Variants in SENP7 observed in about 807,000 individuals in gnomAD.
SENP7 encodes SUMO specific peptidase 7.
Under a neutral mutation model 141.2 loss-of-function variants are expected in SENP7, and 64 were observed. That is an observed-to-expected ratio of 0.45 (90% CI 0.37 to 0.56). The LOEUF is 0.56. SENP7 is among the 20% of genes least tolerant of loss of function. The pLI is 0.00. For missense variants in SENP7, 1,025 were observed against 1,212.2 expected (o/e 0.85, Z 2.29); for synonymous variants, 382 against 426.4 (o/e 0.90, Z 1.28).
intron 4 of SENP7, chr3:101,457,806 T>G: frequency 1.7e-6 from 1 of 600,848 alleles, no homozygotes; most frequent in East Asian, 2.7e-5. Flanking sequence ...CAGCTGAGAT[T>G]AGGCGCACAC....
chr3:101,410,885 T>TAAAATAAAATAAAATAAAAG (rs1559785247), intron 5 of SENP7, among the ~76,000 whole-genome samples: 22 of 151,500 alleles, frequency 1.5e-4, no homozygotes, highest in South Asian at 4.2e-4. Context: ...TAAAATAAAA[T>TAAAATAAAATAAAATAAAAG]AAAAGAATTA....
intron 4 of SENP7, among the ~76,000 whole-genome samples, chr3:101,456,150 A>G (rs984980713): frequency 7.6e-6 from 1 of 130,806 alleles, no homozygotes; most frequent in Non-Finnish European, 1.7e-5. Context: ...ATAATTAGTT[A>G]TATATATAAA....
chr3:101,363,272 G>T (rs2059948350), intron 10 of SENP7: 1 of 204,346 alleles, frequency 4.9e-6, no homozygotes, highest in Non-Finnish European at 8.6e-6. Flanking sequence ...AATAACTGTG[G>T]GCTTTTTTAG....
At chr3:101,432,526 C>T (rs972759216) in intron 4 of SENP7, among the ~76,000 whole-genome samples, 48 of 152,208 alleles carry the variant, frequency 3.2e-4, no homozygotes, top group African/African-American at 1.1e-3. Context: ...CCAGCACAGT[C>T]ACAATGCTGG....
chr3:101,433,782 A>C (rs2062276012), intron 4 of SENP7, among the ~76,000 whole-genome samples: 1 of 152,170 alleles, frequency 6.6e-6, no homozygotes. Context: ...AAATAATATT[A>C]GAGCTAAAGT....
At chr3:101,440,555 C>G (rs1017522026) in intron 4 of SENP7, among the ~76,000 whole-genome samples, 2 of 123,754 alleles carry the variant, frequency 1.6e-5, no homozygotes, top group African/African-American at 7.0e-5. Flanking sequence ...GAGAAACACC[C>G]AAGAATTATC....
chr3:101,332,250 G>C, intron 18 of SENP7, 141 bp from the exon 19 acceptor site: 1 of 785,990 alleles, frequency 1.3e-6, no homozygotes, highest in Middle Eastern at 3.0e-4. Flanking sequence ...TTATAATATA[G>C]AGCATACATA....
intron 19 of SENP7, among the ~76,000 whole-genome samples, chr3:101,331,060 A>G (rs1439299393): frequency 6.6e-6 from 1 of 152,202 alleles, no homozygotes; most frequent in Non-Finnish European, 1.5e-5. Context: ...GGGGATTTCA[A>G]GCATTGTCTG....
intron 2 of SENP7, among the ~76,000 whole-genome samples, chr3:101,500,766 T>C (rs1276563854): frequency 2.6e-5 from 4 of 152,214 alleles, no homozygotes; most frequent in Admixed American, 2.0e-4. Flanking sequence ...GAATGCACAT[T>C]GGTACTCTAA....
intron 3 of SENP7, among the ~76,000 whole-genome samples, chr3:101,462,476 G>A (rs2063578845): frequency 6.6e-6 from 1 of 151,846 alleles, no homozygotes; most frequent in Non-Finnish European, 1.5e-5. Flanking sequence ...AGGAGGTGGA[G>A]GCTGGGGTGA....
At position 101,341,647 on chromosome 3, in the gene SENP7, T is replaced by C; in HGVS notation, c.2239A>G (p.Lys747Glu). 1 of 1,598,320 alleles carries C rather than the reference T, an allele frequency of 6.3e-7. No individual in the cohort carries two copies. Among genetic ancestry groups the C allele is most frequent in the Non-Finnish European group, 8.6e-7 (1 of 1,168,628 alleles). The stretch of plus-strand genomic sequence containing the variant: ...CAAACATGCTATGACAGTACATACT[T>C]CTGAACAAGTCCAGTGTGCCTGACT... ...REVRHTGLVQKLIVYPPPPTK... is the reference protein window; with the variant it reads ...REVRHTGLVQELIVYPPPPTK... The change falls in exon 15 of 24, where the codon AAG (lysine) becomes GAG (glutamate). Residue 747 changes from lysine (K) to glutamate (E), a missense_variant and splice_region_variant. This residue lies in a region of SENP7 where 295 missense variants were observed against 459.1 expected (regional missense o/e 0.64). Transcript: ENST00000394095.
chr3:101,331,570 A>AATAATAATAATC (rs1232975146), intron 19 of SENP7, among the ~76,000 whole-genome samples: 1 of 151,198 alleles, frequency 6.6e-6, no homozygotes, highest in African/African-American at 2.4e-5. Context: ...TGGAAATAAT[A>AATAATAATAATC]ATAATACATG....
Position 101,346,745 on chromosome 3 carries a change from G to A in SENP7, c.1837+1127C>T, listed in dbSNP as rs190195334. ...CATAAAAATGATACAATAGACTTTG[G>A]GGGCTCAGGGGGAAAGGGTAGGAAG... On this transcript the variant is annotated intron_variant, in intron 13 of 23. Transcript: ENST00000394095. Among the ~76,000 whole-genome samples the A allele has an allele frequency of 2.6e-3, 395 of 151,896 alleles. 6 individuals are homozygous for A. In the South Asian group the frequency reaches 0.029, roughly 11 times the overall value.
intron 4 of SENP7, among the ~76,000 whole-genome samples, chr3:101,430,234 A>G (rs951998332): frequency 1.3e-5 from 2 of 152,032 alleles, no homozygotes; most frequent in Admixed American, 6.6e-5. Flanking sequence ...CTCTTTTTCT[A>G]TCGATTGGAA....
rs776599167 is a variant in SENP7, at chr3:101,325,749, C to A, written c.*194G>T. The A allele has an allele frequency of 1.8e-4, 70 of 380,592 alleles. No individual in the cohort carries two copies. Among genetic ancestry groups the A allele is most frequent in the Non-Finnish European group, 1.9e-4 (42 of 216,812 alleles). The allele number at this position is 380,592 out of a possible 1,614,324, so 23.6% of individuals were successfully genotyped here. Reference sequence around the variant, plus strand: ...ATATCTAGTAAGTTTATCTATATCACCCCCATTCCCATTCCATCTATGAGA... The same window carrying A: ...ATATCTAGTAAGTTTATCTATATCAACCCCATTCCCATTCCATCTATGAGA... On this transcript the variant is annotated 3_prime_UTR_variant, in exon 24 of 24. Transcript: ENST00000394095.
chr3:101,414,253 G>A, intron 5 of SENP7: 1 of 667,746 alleles, frequency 1.5e-6, no homozygotes, highest in Non-Finnish European at 2.7e-6. Context: ...GTGACGAGTG[G>A]TAGAATCGAT....
chr3:101,513,212 G>GAAAAAAA (rs1254138448), upstream of SENP7: 154 of 135,994 alleles, frequency 1.1e-3, 34 homozygotes, highest in Middle Eastern at 5.1e-3. Flanking sequence ...GGAGGGGAAA[G>GAAAAAAA]GAAAAAAAAA....
intron 23 of SENP7, 89 bp from the exon 24 acceptor site, chr3:101,326,169 C>T (rs2058893720): frequency 1.8e-6 from 2 of 1,089,804 alleles, no homozygotes; most frequent in Non-Finnish European, 2.5e-6. Flanking sequence ...TGACAAATTG[C>T]TAACTTTTTT....
chr3:101,361,805 C>G lies in SENP7; in HGVS notation c.1533G>C (p.Met511Ile), dbSNP rs1462996523. The G allele has an allele frequency of 1.2e-6, 2 of 1,608,298 alleles. No individual in the cohort carries two copies. The highest frequency in any genetic ancestry group is 8.5e-7 in the Non-Finnish European group (1 of 1,177,954). The change falls in exon 11 of 24, where the codon ATG (methionine) becomes ATC (isoleucine). Residue 511 changes from methionine to isoleucine, a missense_variant. By Grantham distance (10) the Met-to-Ile change is conservative (BLOSUM62 1). Around this residue, in one of 4 missense-constraint regions of SENP7, gnomAD observed 228 missense variants for 228.5 expected, o/e 1.00. Transcript: ENST00000394095. The stretch of plus-strand genomic sequence containing the variant: ...GTTGTAGATCCATCTCATTACTAGG[C>G]ATAATACTGGAAATGTTCTCCATGA... ...NPVMENISSI[M>I]PSNEMDLQLD... is the part of the protein sequence containing the mutation.
Sources: gnomAD v4.1 joint callset for allele counts (sites outside exome capture counted in the v4.1 genomes callset) on GRCh38, gnomAD v4.1.1 for gene constraint, gnomAD v4.1.1 regional missense constraint, MANE v1.5 for transcripts, NCBI Gene and HGNC (gene_info 2026-07-23, HGNC 2026-07-21) for gene names.